PLEKHG1: variants seen among roughly 807,000 people sequenced by gnomAD.
PLEKHG1 encodes the protein pleckstrin homology and RhoGEF domain containing G1, also known as pleckstrin homology domain-containing family G member 1.
A neutral mutation model predicts 100.8 loss-of-function variants in PLEKHG1; 44 were observed. The observed-to-expected ratio is 0.44, with a 90% CI of 0.34 to 0.56. The LOEUF (loss-of-function observed/expected upper bound fraction) is 0.56, where lower values mean the gene tolerates loss of function less well. Ranked by LOEUF, PLEKHG1 falls within the 20% of genes least tolerant of loss-of-function variation. The pLI, the probability that PLEKHG1 is intolerant of heterozygous loss-of-function variation, is 0.01. For synonymous variants in PLEKHG1, 640 were observed against 662.5 expected, an observed-to-expected ratio of 0.97 and a Z score of 0.52; for missense variants, 1,545 against 1,720.9, an observed-to-expected ratio of 0.90 and a Z score of 1.81.
At chr6:150,688,589 C>T (rs1780230318) in intron 3 of PLEKHG1, among the ~76,000 whole-genome samples, 1 of 152,056 alleles carries the variant, frequency 6.6e-6, no homozygotes, top group African/African-American at 2.4e-5. Flanking sequence ...CCCAAAGAGG[C>T]CTTCTCTCTT....
intron 1 of PLEKHG1, among the ~76,000 whole-genome samples, chr6:150,603,089 A>T (rs536828530): frequency 6.9e-6 from 1 of 145,336 alleles, no homozygotes; most frequent in South Asian, 2.3e-4. Context: ...CAAAAAAAAA[A>T]AAAATAAAAA....
intron 15 of PLEKHG1, among the ~76,000 whole-genome samples, chr6:150,832,990 A>T (rs1259872170): frequency 6.8e-6 from 1 of 147,396 alleles, no homozygotes; most frequent in Non-Finnish European, 1.5e-5. Context: ...TACTTTCCTT[A>T]GTTGCTCGCA....
intron 1 of PLEKHG1, among the ~76,000 whole-genome samples, chr6:150,620,102 T>C (rs1407701624): frequency 6.6e-6 from 1 of 152,260 alleles, no homozygotes; most frequent in Admixed American, 6.5e-5. Context: ...TTTTTGTTTT[T>C]TGTCTTTGTG....
intron 1 of PLEKHG1, among the ~76,000 whole-genome samples, chr6:150,731,257 T>C (rs976041702): frequency 6.6e-5 from 10 of 152,180 alleles, no homozygotes; most frequent in African/African-American, 1.7e-4. Flanking sequence ...TCATGTTTTA[T>C]AGGCCATAAA....
chr6:150,700,230 C>T (rs1780713350), intron 3 of PLEKHG1, among the ~76,000 whole-genome samples: 1 of 152,182 alleles, frequency 6.6e-6, no homozygotes, highest in Admixed American at 6.5e-5. Context: ...GCGGTGTCTA[C>T]CATTGATCTG....
At chr6:150,703,764 T>C (rs1263809870) in intron 3 of PLEKHG1, among the ~76,000 whole-genome samples, 1 of 152,146 alleles carries the variant, frequency 6.6e-6, no homozygotes, top group Non-Finnish European at 1.5e-5. Context: ...ACCCTGGCAA[T>C]ACATATGAAT....
At chr6:150,772,803 T>C (rs889585443) in intron 3 of PLEKHG1, among the ~76,000 whole-genome samples, 14 of 152,234 alleles carry the variant, frequency 9.2e-5, no homozygotes, top group Non-Finnish European at 2.1e-4. Context: ...TGAGCATCTT[T>C]TCTTATTGGC....
chr6:150,605,250 G>T (rs1188224426), intron 1 of PLEKHG1, among the ~76,000 whole-genome samples: 3 of 152,182 alleles, frequency 2.0e-5, no homozygotes, highest in Admixed American at 6.5e-5. Flanking sequence ...CTCTAAACCA[G>T]CCAGAGAATC....
At chr6:150,768,845 T>C (rs2128639745) in intron 3 of PLEKHG1, 107 bp downstream of exon 4, 2 of 683,146 alleles carry the variant, frequency 2.9e-6, no homozygotes, top group South Asian at 3.6e-5. Flanking sequence ...CAGCTTCATA[T>C]ATTTTTGTGG....
rs1554258825 is a variant in PLEKHG1, at chr6:150,674,628, C to CTCTCTCT, written c.-99+23842_-99+23843insTCTCTCT. Among the ~76,000 whole-genome samples the CTCTCTCT allele has an allele frequency of 2.4e-3, 126 of 51,776 alleles. 9 individuals carry two copies. The highest frequency in any genetic ancestry group is 0.014 in the Middle Eastern group (1 of 70). 34.0% of individuals were successfully genotyped at this position (51,776 alleles called of 152,430 possible). A position where few individuals can be genotyped will look rare whatever the true frequency, so the allele number is the denominator to read the frequency against. ...ATTACACCTGTAACTTTCTCTCTCTCCTCCCTCTCTCTCTCTCTCTCTCTC... is the reference window on the plus strand; with the variant it reads ...ATTACACCTGTAACTTTCTCTCTCTCTCTCTCTCTCCCTCTCTCTCTCTCTCTCTCTC... On this transcript the variant is annotated intron_variant, in intron 3 of 3. Transcript: ENST00000367326.
chr6:150,790,744 G>A (rs547643345), intron 4 of PLEKHG1, among the ~76,000 whole-genome samples: 8 of 152,050 alleles, frequency 5.3e-5, no homozygotes, highest in Non-Finnish European at 4.4e-5. Flanking sequence ...TATCTCGGCC[G>A]GGCATGGTGG....
At chr6:150,648,562 ATGTGT>A (rs1260120737) in intron 2 of PLEKHG1, among the ~76,000 whole-genome samples, 1 of 152,202 alleles carries the variant, frequency 6.6e-6, no homozygotes, top group African/African-American at 2.4e-5. Flanking sequence ...ATTTATGGAG[ATGTGT>A]TGTATACTAG....
chr6:150,779,325 G>T (rs1785164786), intron 3 of PLEKHG1, among the ~76,000 whole-genome samples: 1 of 142,584 alleles, frequency 7.0e-6, no homozygotes, highest in African/African-American at 2.8e-5. Flanking sequence ...AAACACAGGG[G>T]GTTAAATATT....
intron 3 of PLEKHG1, among the ~76,000 whole-genome samples, chr6:150,679,460 T>C (rs978249496): frequency 2.0e-5 from 3 of 152,228 alleles, no homozygotes; most frequent in Non-Finnish European, 2.9e-5. Context: ...TAAAATAAAG[T>C]AGTTATCATA....
At chr6:150,800,222 T>C (rs1224954325) in intron 5 of PLEKHG1, among the ~76,000 whole-genome samples, 1 of 151,976 alleles carries the variant, frequency 6.6e-6, no homozygotes, top group Admixed American at 6.6e-5. Context: ...TTGTGCATCA[T>C]ATAAAAGGGG....
At chr6:150,715,813 G>C (rs1781405399) in intron 3 of PLEKHG1, among the ~76,000 whole-genome samples, 1 of 148,848 alleles carries the variant, frequency 6.7e-6, no homozygotes, top group African/African-American at 2.4e-5. Flanking sequence ...TGTGCTCATA[G>C]AAAATGTGGC....
intron 1 of PLEKHG1, among the ~76,000 whole-genome samples, chr6:150,722,649 G>T (rs779535478): frequency 6.6e-6 from 1 of 152,166 alleles, no homozygotes; most frequent in Non-Finnish European, 1.5e-5. Flanking sequence ...ACTGCGCCCT[G>T]CCTCTTCCTC....
intron 7 of PLEKHG1, among the ~76,000 whole-genome samples, chr6:150,806,348 T>C (rs1457139219): frequency 6.6e-6 from 1 of 150,910 alleles, no homozygotes; most frequent in African/African-American, 2.4e-5. Context: ...GCAGTTTCAC[T>C]TTCTGCAGTT....
intron 5 of PLEKHG1, among the ~76,000 whole-genome samples, chr6:150,799,069 T>A (rs1315032415): frequency 6.6e-6 from 1 of 151,760 alleles, no homozygotes; most frequent in Non-Finnish European, 1.5e-5. Context: ...AAAAAAAAAA[T>A]TGAGTCTGAC....
Sources: allele counts gnomAD v4.1 joint callset (sites outside exome capture counted in the v4.1 genomes callset), GRCh38; gene constraint gnomAD v4.1.1; transcripts MANE v1.5; gene names NCBI Gene and HGNC (gene_info 2026-07-23, HGNC 2026-07-21).